CFAP95: variants seen among roughly 807,000 people sequenced by gnomAD.
The protein encoded by CFAP95 is cilia- and flagella-associated protein 95.
the CFAP95 span, among the ~76,000 whole-genome samples, chr9:69,875,228 G>A: frequency 6.6e-6 from 1 of 151,736 alleles, no homozygotes; most frequent in Non-Finnish European, 1.5e-5. Flanking sequence ...TTTTTAAGGG[G>A]GTGAGGGAAG....
chr9:69,836,838 T>A, the CFAP95 span, among the ~76,000 whole-genome samples: 1 of 150,978 alleles, frequency 6.6e-6, no homozygotes, highest in Non-Finnish European at 1.5e-5. Flanking sequence ...CACTAACTCG[T>A]CATCTAGCAT....
At chr9:69,882,927 T>C in the CFAP95 span, among the ~76,000 whole-genome samples, 1 of 152,208 alleles carries the variant, frequency 6.6e-6, no homozygotes, top group African/African-American at 2.4e-5. Context: ...GATGTGTCTT[T>C]GTCTGGTTTT....
the CFAP95 span, among the ~76,000 whole-genome samples, chr9:69,873,426 G>A: frequency 6.6e-6 from 1 of 152,050 alleles, no homozygotes; most frequent in African/African-American, 2.4e-5. Flanking sequence ...TTGTTTGTTT[G>A]TTTGTTTGTT....
At chr9:69,832,303 T>C in the CFAP95 span, among the ~76,000 whole-genome samples, 1 of 152,234 alleles carries the variant, frequency 6.6e-6, no homozygotes, top group Non-Finnish European at 1.5e-5. Context: ...CTGGAAAGAT[T>C]GCATGGTTTT....
the CFAP95 span, among the ~76,000 whole-genome samples, chr9:69,832,620 A>ATTTTTTTTTTTTTTTTTTTTTTTTT: frequency 1.8e-3 from 20 of 11,350 alleles, 2 homozygotes; most frequent in Non-Finnish European, 2.1e-3. Flanking sequence ...GTCTATTCGG[A>ATTTTTTTTTTTTTTTTTTTTTTTTT]TTTTTTTTTT....
At chr9:69,902,900 C>T in the CFAP95 span, among the ~76,000 whole-genome samples, 16 of 152,244 alleles carry the variant, frequency 1.1e-4, no homozygotes, top group Admixed American at 2.0e-4. Context: ...TTTTCATATA[C>T]GCCCTGCTCC....
the CFAP95 span, among the ~76,000 whole-genome samples, chr9:69,832,407 C>T: frequency 6.6e-6 from 1 of 152,212 alleles, no homozygotes; most frequent in Admixed American, 6.5e-5. Context: ...ATGTCAAAGT[C>T]AGTGTGGCGC....
the CFAP95 span, among the ~76,000 whole-genome samples, chr9:69,854,648 G>A: frequency 2.6e-5 from 4 of 152,220 alleles, no homozygotes; most frequent in South Asian, 4.1e-4. Context: ...TTGTGCCAAG[G>A]AGGCTGACCT....
the CFAP95 span, among the ~76,000 whole-genome samples, chr9:69,882,042 G>A: frequency 6.6e-6 from 1 of 150,594 alleles, no homozygotes. Context: ...GAATGCAGTA[G>A]TGTGATCATG....
chr9:69,864,716 C>A, the CFAP95 span, among the ~76,000 whole-genome samples: 3 of 152,120 alleles, frequency 2.0e-5, no homozygotes, highest in African/African-American at 7.2e-5. Flanking sequence ...AAATTCTTCC[C>A]TTTTATTCCT....
chr9:69,832,153 G>A, the CFAP95 span, among the ~76,000 whole-genome samples: 2 of 152,108 alleles, frequency 1.3e-5, no homozygotes, highest in South Asian at 4.1e-4. Context: ...GAGATCAGTG[G>A]CACCTGCTCT....
the CFAP95 span, among the ~76,000 whole-genome samples, chr9:69,823,486 CTT>C: frequency 6.6e-6 from 1 of 152,182 alleles, no homozygotes; most frequent in South Asian, 2.1e-4. Context: ...CGGCAAGTGA[CTT>C]GACTGCTCTG....
chr9:69,838,598 G>A, the CFAP95 span, among the ~76,000 whole-genome samples: 10 of 151,652 alleles, frequency 6.6e-5, no homozygotes, highest in East Asian at 2.0e-4. Context: ...CTGAGACTTC[G>A]CTGAAGTTGC....
chr9:69,876,033 AG>A, the CFAP95 span, among the ~76,000 whole-genome samples: 1 of 152,214 alleles, frequency 6.6e-6, no homozygotes, highest in Non-Finnish European at 1.5e-5. Flanking sequence ...TTTAAAAAAG[AG>A]TTTTCTTTAT....
At chr9:69,893,158 C>CT in the CFAP95 span, among the ~76,000 whole-genome samples, 1 of 152,192 alleles carries the variant, frequency 6.6e-6, no homozygotes, top group African/African-American at 2.4e-5. Flanking sequence ...CCCCTAGGCG[C>CT]TTCCATGGGC....
chr9:69,837,281 G>C, the CFAP95 span, among the ~76,000 whole-genome samples: 1 of 152,124 alleles, frequency 6.6e-6, no homozygotes. Context: ...GTATTTCCAG[G>C]TCTAGATCCC....
the CFAP95 span, among the ~76,000 whole-genome samples, chr9:69,896,475 A>G: frequency 6.6e-6 from 1 of 152,202 alleles, no homozygotes; most frequent in Non-Finnish European, 1.5e-5. Flanking sequence ...AGAGATATTT[A>G]TATTTCTATC....
the CFAP95 span, among the ~76,000 whole-genome samples, chr9:69,841,089 C>A: frequency 7.0e-6 from 1 of 142,826 alleles, no homozygotes; most frequent in East Asian, 2.1e-4. Context: ...TTCTTGGGCC[C>A]CTTCTTCCAT....
the CFAP95 span, among the ~76,000 whole-genome samples, chr9:69,838,663 T>C: frequency 1.5e-4 from 23 of 152,012 alleles, no homozygotes; most frequent in African/African-American, 5.3e-4. Context: ...AGATATATAA[T>C]CATGTCGTCT....
Sources: gnomAD v4.1 joint callset for allele counts (sites outside exome capture counted in the v4.1 genomes callset) on GRCh38, gnomAD v4.1.1 for gene constraint, MANE v1.5 for transcripts, NCBI Gene and HGNC (gene_info 2026-07-23, HGNC 2026-07-21) for gene names.